ARHGAP6: variants seen among roughly 807,000 people sequenced by gnomAD.
ARHGAP6 encodes Rho GTPase activating protein 6.
ARHGAP6 carries 16 observed loss-of-function variants against 55.7 expected under a neutral mutation model. That is an observed-to-expected ratio of 0.29 (90% CI 0.19 to 0.44). The LOEUF (loss-of-function observed/expected upper bound fraction) is 0.44, where lower values mean the gene tolerates loss of function less well. ARHGAP6 is among the 20% of genes least tolerant of loss of function. ARHGAP6 has a pLI of 1.00. For synonymous variants in ARHGAP6, 382 were observed against 360.9 expected (o/e 1.06, Z -0.66); for missense variants, 698 against 808.9 (o/e 0.86, Z 1.66).
chrX:11,349,078 T>C (rs2048823872), intron 1 of ARHGAP6, among the ~76,000 whole-genome samples: 1 of 107,392 alleles, frequency 9.3e-6, no homozygotes, highest in African/African-American at 3.4e-5. Flanking sequence ...GTGATAACAA[T>C]GGGTTCCATA....
intron 1 of ARHGAP6, among the ~76,000 whole-genome samples, chrX:11,372,401 G>T (rs979965634): frequency 2.7e-5 from 3 of 111,527 alleles, no homozygotes; most frequent in South Asian, 3.8e-4. Context: ...AATAAAGAAT[G>T]GATTTTTTAA....
rs769976615 is a variant in ARHGAP6 at position 11,226,979 on chromosome X, G to A, written c.748+27569C>T. On this transcript the variant is annotated intron_variant, in intron 2 of 12. Coordinates refer to ENST00000337414, the MANE Select transcript of ARHGAP6 (RefSeq NM_013427.3). Reference sequence around the variant, plus strand: ...TATAGCATATTAGCTAATCGTTATTGGACAATGACCTCTTCTTCATGTAGA... The same window carrying A: ...TATAGCATATTAGCTAATCGTTATTAGACAATGACCTCTTCTTCATGTAGA... 4.5e-5 allele frequency among the ~76,000 whole-genome samples: 5 copies of A among 112,011 alleles called. No homozygotes were observed. In the East Asian group the frequency reaches 1.1e-3, roughly 25 times the overall value.
chrX:11,367,681 T>C, intron 1 of ARHGAP6: 1 of 342,040 alleles, frequency 2.9e-6, no homozygotes, highest in Non-Finnish European at 3.8e-6. Context: ...CATAAGAACA[T>C]TGATGGGGCT....
chrX:11,230,651 GTA>G (rs2047117389), intron 2 of ARHGAP6, among the ~76,000 whole-genome samples: 1 of 108,359 alleles, frequency 9.2e-6, no homozygotes, highest in South Asian at 4.0e-4. Context: ...ATAAATGTGT[GTA>G]TATACGTATA....
intron 1 of ARHGAP6, among the ~76,000 whole-genome samples, chrX:11,520,517 T>C (rs2050911288): frequency 9.0e-6 from 1 of 110,591 alleles, no homozygotes; most frequent in Non-Finnish European, 1.9e-5. Context: ...CTGCATAGTA[T>C]TCCATGGTGT....
chrX:11,583,772 GA>G (rs368178852), intron 1 of ARHGAP6, among the ~76,000 whole-genome samples: 13 of 108,534 alleles, frequency 1.2e-4, no homozygotes, highest in African/African-American at 2.7e-4. Context: ...AAAGATGGAG[GA>G]AAAAAAAACA....
At chrX:11,605,093 C>T (rs892466780) in intron 1 of ARHGAP6, among the ~76,000 whole-genome samples, 3 of 111,463 alleles carry the variant, frequency 2.7e-5, no homozygotes, top group Non-Finnish European at 5.7e-5. Context: ...GGAAGCCATG[C>T]TAAGTAACAG....
chrX:11,186,199 A>G, intron 5 of ARHGAP6, 37 bp downstream of exon 5: 1 of 1,140,457 alleles, frequency 8.8e-7, no homozygotes. Context: ...TGAATAAATG[A>G]AAGTCCTTAG....
chrX:11,492,459 A>G (rs2050580872), intron 1 of ARHGAP6, among the ~76,000 whole-genome samples: 1 of 111,855 alleles, frequency 8.9e-6, no homozygotes, highest in South Asian at 3.7e-4. Context: ...CTAGTGAGCC[A>G]TTCAAAGAGC....
intron 1 of ARHGAP6, chrX:11,351,499 G>C (rs956543341): frequency 1.1e-6 from 1 of 941,651 alleles, no homozygotes; most frequent in African/African-American, 2.1e-5. Context: ...CCTCCATCTC[G>C]TCCTGCTGGA....
chrX:11,508,678 C>G (rs1300736393), intron 1 of ARHGAP6, among the ~76,000 whole-genome samples: 1 of 109,743 alleles, frequency 9.1e-6, no homozygotes, highest in Admixed American at 9.9e-5. Context: ...GCTCACCTCT[C>G]CAGTCTTCCA....
chrX:11,165,395 A>G (rs2046004521), intron 9 of ARHGAP6, among the ~76,000 whole-genome samples: 1 of 111,658 alleles, frequency 9.0e-6, no homozygotes, highest in South Asian at 3.8e-4. Flanking sequence ...CTAGGAGTAT[A>G]TATGTGTGGG....
intron 1 of ARHGAP6, among the ~76,000 whole-genome samples, chrX:11,261,066 C>T (rs886302450): frequency 1.8e-5 from 2 of 111,610 alleles, no homozygotes; most frequent in Non-Finnish European, 1.9e-5. Flanking sequence ...AATGAACCAG[C>T]CCCATCATGA....
chrX:11,228,454 C>A (rs998943182), intron 2 of ARHGAP6, among the ~76,000 whole-genome samples: 2 of 111,647 alleles, frequency 1.8e-5, no homozygotes, highest in African/African-American at 6.5e-5. Context: ...TGTTTAAAAC[C>A]TGAGATGTAA....
At chrX:11,649,300 G>A (rs192424582) in intron 1 of ARHGAP6, among the ~76,000 whole-genome samples, 78 of 111,847 alleles carry the variant, frequency 7.0e-4, no homozygotes, top group African/African-American at 2.3e-3. Flanking sequence ...CCAAGTGAGC[G>A]AGCCCAGCCA....
intron 1 of ARHGAP6, among the ~76,000 whole-genome samples, chrX:11,459,195 T>C (rs774063817): frequency 7.6e-4 from 85 of 112,126 alleles, no homozygotes; most frequent in South Asian, 1.1e-3. Context: ...ATTTATTTAG[T>C]GCTCATGATG....
Position 11,142,290 on chromosome X carries a change from T to G in ARHGAP6, c.2200A>C (p.Ile734Leu), listed in dbSNP as rs2045631159. 1 of 1,200,490 alleles carries G rather than the reference T, an allele frequency of 8.3e-7. No homozygotes were observed. Among genetic ancestry groups the G allele is most frequent in the South Asian group, 1.8e-5 (1 of 55,716 alleles). Residue 734 changes from isoleucine to leucine, a missense_variant, in exon 12 of 13, where the codon ATC (isoleucine) becomes CTC (leucine). By Grantham distance (5) the Ile-to-Leu change is conservative. Transcript: ENST00000337414. ...GKDLSEEPFD[I>L]WGTWHSTLKS... is the part of the protein sequence containing the mutation. ...AATGTTGAATGCCAAGTTCCCCAGA[T>G]ATCGAAAGGCTCCTCTGACAGATCT...
intron 1 of ARHGAP6, among the ~76,000 whole-genome samples, chrX:11,257,453 C>T (rs776369863): frequency 8.9e-6 from 1 of 112,178 alleles, no homozygotes; most frequent in African/African-American, 3.2e-5. Context: ...TATAAATCAG[C>T]GAGTGTGGCC....
At chrX:11,406,466 T>C (rs1427950617) in intron 1 of ARHGAP6, among the ~76,000 whole-genome samples, 1 of 111,380 alleles carries the variant, frequency 9.0e-6, no homozygotes, top group African/African-American at 3.3e-5. Context: ...GAGCTTGCTG[T>C]AAACTATACA....
Sources: gnomAD v4.1 joint callset for allele counts (sites outside exome capture counted in the v4.1 genomes callset) on GRCh38, gnomAD v4.1.1 for gene constraint, MANE v1.5 for transcripts, NCBI Gene and HGNC (gene_info 2026-07-23, HGNC 2026-07-21) for gene names.